The following ANO4 variants were observed in gnomAD, a reference collection of about 807,000 sequenced individuals.
ANO4 encodes anoctamin 4.
A neutral mutation model predicts 141.9 loss-of-function variants in ANO4; 69 were observed. That is an observed-to-expected ratio of 0.49 (90% CI 0.40 to 0.59). The LOEUF (loss-of-function observed/expected upper bound fraction) is 0.59, where lower values mean the gene tolerates loss of function less well. Ranked by LOEUF, ANO4 falls within the 20% of genes least tolerant of loss-of-function variation. The pLI is 0.00. For missense variants in ANO4, 894 were observed against 1,162.2 expected (o/e 0.77, Z 3.36); for synonymous variants, 350 against 394.3 (o/e 0.89, Z 1.33).
chr12:100,974,932 G>A, intron 7 of ANO4, 43 bp downstream of exon 7: 1 of 1,605,792 alleles, frequency 6.2e-7, no homozygotes, highest in Non-Finnish European at 8.5e-7. Context: ...TCTTTCTGTT[G>A]GCCCGTGTGC....
intron 1 of ANO4, among the ~76,000 whole-genome samples, chr12:100,828,249 A>T (rs1163679450): frequency 6.6e-6 from 1 of 151,734 alleles, no homozygotes; most frequent in Non-Finnish European, 1.5e-5. Context: ...TCCTTTTTTC[A>T]GCACATTCCC....
chr12:100,751,294 G>A (rs1354744008), intron 3 of ANO4, among the ~76,000 whole-genome samples: 1 of 152,102 alleles, frequency 6.6e-6, no homozygotes, highest in Non-Finnish European at 1.5e-5. Flanking sequence ...GGAGAGAATG[G>A]TGGAATTCTC....
chr12:100,919,481 A>G (rs117837989), intron 2 of ANO4, among the ~76,000 whole-genome samples: 1 of 152,144 alleles, frequency 6.6e-6, no homozygotes, highest in Non-Finnish European at 1.5e-5. Context: ...CAGTGCAGTA[A>G]CATGCTGTAC....
intron 4 of ANO4, among the ~76,000 whole-genome samples, chr12:100,940,835 T>C (rs959316722): frequency 1.3e-5 from 2 of 152,188 alleles, no homozygotes; most frequent in African/African-American, 2.4e-5. Flanking sequence ...AGTGAGCCCA[T>C]ACTTGATGGT....
At position 100,970,664 on chromosome 12, in the gene ANO4, T is replaced by TC. The variant is rs1280290504; in HGVS notation, c.457-640dup. On this transcript the variant is annotated intron_variant, in intron 5 of 27. Coordinates refer to ENST00000392977, the MANE Select transcript of ANO4 (RefSeq NM_001286615.2). The stretch of plus-strand genomic sequence containing the variant: ...CCCTTCCTCCCTCCCTCCCTCCCTC[T>TC]CCTTCCTTCCTTCCTTCCTTCCTTC... Among the ~76,000 whole-genome samples, 100 of 16,638 alleles carry TC rather than the reference T, an allele frequency of 6.0e-3. 2 individuals carry two copies. The highest frequency in any genetic ancestry group is 0.038 in the African/African-American group (96 of 2,530). The allele number at this position is 16,638 out of a possible 152,430, so 10.9% of individuals were successfully genotyped here.
At chr12:101,107,352 T>C (rs1446507107) in intron 22 of ANO4, among the ~76,000 whole-genome samples, 2 of 152,178 alleles carry the variant, frequency 1.3e-5, no homozygotes, top group East Asian at 1.9e-4. Flanking sequence ...CTGTTTCTAC[T>C]TTCATGAAGC....
chr12:100,732,484 ATG>A (rs1186357888), intron 1 of ANO4, among the ~76,000 whole-genome samples: 18 of 152,204 alleles, frequency 1.2e-4, no homozygotes, highest in African/African-American at 2.9e-4. Flanking sequence ...TTTATCAGAT[ATG>A]TGTTTTACAA....
chr12:101,074,807 A>G (rs894023765), intron 14 of ANO4, among the ~76,000 whole-genome samples: 2 of 152,352 alleles, frequency 1.3e-5, no homozygotes, highest in East Asian at 3.8e-4. Context: ...TCTTATAAGC[A>G]TATGAAAATA....
intron 1 of ANO4, among the ~76,000 whole-genome samples, chr12:100,842,570 G>T (rs962843890): frequency 1.3e-5 from 2 of 151,988 alleles, no homozygotes; most frequent in African/African-American, 4.8e-5. Flanking sequence ...TAGTTCATGT[G>T]CACTGCTATA....
At chr12:101,013,057 A>C (rs1468228280) in intron 8 of ANO4, among the ~76,000 whole-genome samples, 1 of 152,174 alleles carries the variant, frequency 6.6e-6, no homozygotes, top group Non-Finnish European at 1.5e-5. Context: ...TGTATAAAAC[A>C]GTTTGGTGAT....
chr12:100,909,427 C>T (rs765700363), intron 2 of ANO4, among the ~76,000 whole-genome samples: 7 of 151,990 alleles, frequency 4.6e-5, no homozygotes, highest in Non-Finnish European at 8.8e-5. Context: ...CTACACACAG[C>T]GAGGGAGAAG....
chr12:100,868,797 A>T (rs2038889527), intron 1 of ANO4, among the ~76,000 whole-genome samples: 1 of 152,260 alleles, frequency 6.6e-6, no homozygotes, highest in South Asian at 2.1e-4. Context: ...AGCAGGGATC[A>T]GCTCAGGACC....
chr12:100,729,722 A>G (rs2031306858), intron 1 of ANO4, among the ~76,000 whole-genome samples: 1 of 152,178 alleles, frequency 6.6e-6, no homozygotes, highest in African/African-American at 2.4e-5. Flanking sequence ...TGTAAAATCT[A>G]GCCTTTTTGT....
At chr12:101,068,870 C>T in intron 14 of ANO4, 3 of 891,398 alleles carry the variant, frequency 3.4e-6, no homozygotes, top group Non-Finnish European at 5.7e-6. Context: ...GGTTGAATCT[C>T]ATCAGATGAA....
chr12:100,785,232 T>C (rs1172493825), intron 3 of ANO4, among the ~76,000 whole-genome samples: 2 of 152,156 alleles, frequency 1.3e-5, no homozygotes, highest in African/African-American at 2.4e-5. Context: ...CCAATGAACT[T>C]ACATGGACAC....
chr12:100,738,693 C>T (rs141337638), intron 2 of ANO4, among the ~76,000 whole-genome samples: 6 of 151,470 alleles, frequency 4.0e-5, no homozygotes, highest in South Asian at 2.1e-4. Context: ...TATATTTAAC[C>T]GCATATATTT....
At chr12:100,958,326 C>A (rs1005656092) in intron 5 of ANO4, among the ~76,000 whole-genome samples, 2 of 152,122 alleles carry the variant, frequency 1.3e-5, no homozygotes, top group African/African-American at 4.8e-5. Flanking sequence ...TTTCTTCCTC[C>A]CTCTTTTCCC....
intron 14 of ANO4, among the ~76,000 whole-genome samples, chr12:101,058,948 G>A (rs1181717085): frequency 6.6e-6 from 1 of 152,068 alleles, no homozygotes; most frequent in Non-Finnish European, 1.5e-5. Context: ...GCTGGTTTTT[G>A]AAGGGAATGC....
At chr12:101,016,977 A>G (rs1340076640) in intron 8 of ANO4, among the ~76,000 whole-genome samples, 1 of 152,198 alleles carries the variant, frequency 6.6e-6, no homozygotes, top group Non-Finnish European at 1.5e-5. Flanking sequence ...ACTGCAGAGT[A>G]TTGAGATAAA....
Sources: allele counts gnomAD v4.1 joint callset (sites outside exome capture counted in the v4.1 genomes callset), GRCh38; gene constraint gnomAD v4.1.1; transcripts MANE v1.5; gene names NCBI Gene and HGNC (gene_info 2026-07-23, HGNC 2026-07-21).